The following SLC36A1 variants were observed in gnomAD, a reference collection of about 807,000 sequenced individuals.
The protein encoded by SLC36A1 is solute carrier family 36 member 1.
In SLC36A1, 30 loss-of-function variants were observed where a neutral mutation model predicts 47.5. The ratio of observed to expected loss-of-function variants is 0.63; its 90% confidence interval spans 0.47 to 0.86. The LOEUF is 0.86. Ranked by LOEUF, SLC36A1 falls within the 40% of genes least tolerant of loss-of-function variation. SLC36A1 has a pLI of 0.00. For missense variants in SLC36A1, 517 were observed against 606.0 expected (o/e 0.85, Z 1.54); for synonymous variants, 255 against 249.7 (o/e 1.02, Z -0.20).
chr5:151,460,172 A>G (rs1427652993), intron 2 of SLC36A1, among the ~76,000 whole-genome samples: 1 of 152,180 alleles, frequency 6.6e-6, no homozygotes, highest in Non-Finnish European at 1.5e-5. Context: ...ATCTCCACAC[A>G]CAGCCAATGG....
chr5:151,474,833 C>T (rs955930882), intron 8 of SLC36A1, among the ~76,000 whole-genome samples: 5 of 152,332 alleles, frequency 3.3e-5, no homozygotes, highest in South Asian at 2.1e-4. Context: ...TGGCCAAGGG[C>T]GCCACAAATG....
chr5:151,383,270 A>C, the SLC36A1 span, among the ~76,000 whole-genome samples: 1 of 152,178 alleles, frequency 6.6e-6, no homozygotes, highest in South Asian at 2.1e-4. Flanking sequence ...GTGCCACAGC[A>C]GGATAGCAAC....
the SLC36A1 span, among the ~76,000 whole-genome samples, chr5:151,399,339 G>A: frequency 7.9e-5 from 12 of 151,558 alleles, no homozygotes; most frequent in African/African-American, 1.7e-4. Flanking sequence ...TGCCCACCTC[G>A]GCCTCTCAAA....
chr5:151,478,725 C>T (rs959060564), intron 9 of SLC36A1, among the ~76,000 whole-genome samples: 20 of 152,194 alleles, frequency 1.3e-4, no homozygotes, highest in African/African-American at 4.6e-4. Flanking sequence ...TTTCCCATTT[C>T]AGAGGCAACC....
chr5:151,537,530 C>G, the SLC36A1 span, among the ~76,000 whole-genome samples: 1 of 152,140 alleles, frequency 6.6e-6, no homozygotes, highest in African/African-American at 2.4e-5. Context: ...ATCCCCTTAG[C>G]ATTCTGCACT....
At chr5:151,345,607 G>A in the SLC36A1 span, among the ~76,000 whole-genome samples, 9 of 151,916 alleles carry the variant, frequency 5.9e-5, no homozygotes, top group African/African-American at 9.7e-5. Context: ...TGTCCACATC[G>A]CTGACCGAGC....
At chr5:151,372,910 A>G in the SLC36A1 span, among the ~76,000 whole-genome samples, 1 of 152,218 alleles carries the variant, frequency 6.6e-6, no homozygotes. Context: ...TGTTTAACAT[A>G]TGAGTAATTG....
chr5:151,493,842 G>A (rs57667465), downstream of SLC36A1, among the ~76,000 whole-genome samples: 135 of 152,282 alleles, frequency 8.9e-4, no homozygotes, highest in African/African-American at 2.9e-3. Flanking sequence ...TAGAGAGAAT[G>A]TTGTAAAGTG....
chr5:151,554,834 G>T, the SLC36A1 span, among the ~76,000 whole-genome samples: 1 of 152,078 alleles, frequency 6.6e-6, no homozygotes. Context: ...TGGCAACTTT[G>T]CCCCTGGGAA....
the SLC36A1 span, among the ~76,000 whole-genome samples, chr5:151,517,147 A>G: frequency 6.6e-6 from 1 of 152,128 alleles, no homozygotes; most frequent in Non-Finnish European, 1.5e-5. Flanking sequence ...AGATTGGCAT[A>G]TGTGATAGAG....
chr5:151,446,043 CCT>C, upstream of SLC36A1, among the ~76,000 whole-genome samples: 1 of 151,530 alleles, frequency 6.6e-6, no homozygotes, highest in South Asian at 2.1e-4. Flanking sequence ...TTTCCAGTTT[CCT>C]GAGGTATAAT....
At chr5:151,537,618 T>G in the SLC36A1 span, among the ~76,000 whole-genome samples, 2 of 152,370 alleles carry the variant, frequency 1.3e-5, no homozygotes, top group South Asian at 2.1e-4. Flanking sequence ...CCAAATCTTG[T>G]CTTATCAATC....
chr5:151,433,684 G>C (rs1759600733), upstream of SLC36A1, among the ~76,000 whole-genome samples: 1 of 152,090 alleles, frequency 6.6e-6, no homozygotes, highest in Admixed American at 6.5e-5. Context: ...GCCAGGTGAA[G>C]ACAGGAACTC....
chr5:151,499,028 G>A, the SLC36A1 span, among the ~76,000 whole-genome samples: 3 of 152,176 alleles, frequency 2.0e-5, no homozygotes, highest in Non-Finnish European at 4.4e-5. Flanking sequence ...GGCTAATTAC[G>A]TATCTGAAAT....
the SLC36A1 span, among the ~76,000 whole-genome samples, chr5:151,409,357 C>G: frequency 6.6e-6 from 1 of 152,100 alleles, no homozygotes; most frequent in African/African-American, 2.4e-5. Context: ...CCTCAGGAGG[C>G]AAAGACTATC....
chr5:151,541,005 G>A, the SLC36A1 span, among the ~76,000 whole-genome samples: 42,025 of 152,118 alleles, frequency 0.28, 6,731 homozygotes, highest in Non-Finnish European at 0.36. Context: ...TTCAAAATAT[G>A]TGGCTGAAGG....
chr5:151,347,392 A>C, the SLC36A1 span: 7 of 1,614,234 alleles, frequency 4.3e-6, no homozygotes, highest in Non-Finnish European at 5.9e-6. Flanking sequence ...CACTTTCAGG[A>C]GGCGACATAA....
chr5:151,463,843 G>T (rs745980918), intron 3 of SLC36A1, among the ~76,000 whole-genome samples, 200 bp downstream of exon 3: 2 of 152,174 alleles, frequency 1.3e-5, no homozygotes, highest in Non-Finnish European at 2.9e-5. Context: ...ACTGTTCTAA[G>T]CTCTTAGAAT....
chr5:151,512,510 AGTGCCACTC>A, the SLC36A1 span: 26 of 1,614,168 alleles, frequency 1.6e-5, no homozygotes, highest in Non-Finnish European at 2.1e-5. The surrounding 1 kb of genome is among the most constrained non-coding windows in gnomAD (Gnocchi z 4.1). Context: ...ACCAGGATGG[AGTGCCACTC>A]GTGGTCATTC....
Sources: allele counts gnomAD v4.1 joint callset (sites outside exome capture counted in the v4.1 genomes callset), GRCh38; gene constraint gnomAD v4.1.1; non-coding constraint Gnocchi (gnomAD v3.1); transcripts MANE v1.5; gene names NCBI Gene and HGNC (gene_info 2026-07-23, HGNC 2026-07-21).